UGT2B17: variants seen among roughly 807,000 people sequenced by gnomAD.
UGT2B17 encodes the protein UDP-glucuronosyltransferase 2B17.
Under a neutral mutation model 48.2 loss-of-function variants are expected in UGT2B17, and 21 were observed. The ratio of observed to expected loss-of-function variants is 0.44; its 90% confidence interval spans 0.31 to 0.63. The LOEUF is 0.63. Among genes scored for constraint, UGT2B17 ranks in the 20% least tolerant of loss-of-function variants. UGT2B17 has a pLI of 0.08. For missense variants in UGT2B17, 402 were observed against 696.1 expected (o/e 0.58, Z 4.75); for synonymous variants, 146 against 238.4 (o/e 0.61, Z 3.57).
intron 1 of UGT2B17, among the ~76,000 whole-genome samples, chr4:68,574,759 A>T (rs368506974): frequency 7.9e-6 from 1 of 126,392 alleles, no homozygotes; most frequent in Non-Finnish European, 1.7e-5. Context: ...TTACTTTTAA[A>T]TTATGCAACA....
Position 68,547,276 on chromosome 4 carries a change from C to A in UGT2B17, c.1313+3401G>T, listed in dbSNP as rs185003739. Among the ~76,000 whole-genome samples, 25 of 125,366 alleles carry A rather than the reference C, an allele frequency of 2.0e-4. 5 individuals carry two copies. The highest frequency in any genetic ancestry group is 2.0e-3 in the Admixed American group (24 of 12,236). 82.2% of individuals were successfully genotyped at this position (125,366 alleles called of 152,430 possible). ...AGCCCTCAGAAATAATGCCACACAT[C>A]TACAACTATCTGATCTTTGACAAAC... On this transcript the variant is annotated intron_variant, in intron 6 of 6. Transcript: ENST00000317746.
rs1323200526 is a variant in UGT2B17 at position 68,566,038 on chromosome 4, AT to A, written c.725-319del. Among the ~76,000 whole-genome samples, 6 of 117,604 alleles carry A rather than the reference AT, an allele frequency of 5.1e-5. 2 individuals are homozygous for A. In the Admixed American group the frequency reaches 5.4e-4, roughly 11 times the overall value. 77.2% of individuals were successfully genotyped at this position (117,604 alleles called of 152,430 possible). On this transcript the variant is annotated intron_variant, in intron 2 of 6. Coordinates refer to ENST00000317746, the MANE Select transcript of UGT2B17 (RefSeq NM_001077.4). ...AATATTTAATAAAGTTTAATATTTA[AT>A]ATTAATAAAATTTTATTAATTTTAT...
chr4:68,556,533 G>A lies in UGT2B17; in HGVS notation c.1005+4004C>T, dbSNP rs962574946. 6.4e-5 allele frequency among the ~76,000 whole-genome samples: 8 copies of A among 125,462 alleles called. 3 individuals are homozygous for A. The highest frequency in any genetic ancestry group is 2.2e-4 in the African/African-American group (8 of 36,876). The allele number at this position is 125,462 out of a possible 152,430, so 82.3% of individuals were successfully genotyped here. A position where few individuals can be genotyped will look rare whatever the true frequency, so the allele number is the denominator to read the frequency against. On this transcript the variant is annotated intron_variant, in intron 4 of 6. Transcript: ENST00000317746. ...GATACTAAGAGATAAAATAAGTTCC[G>A]TTTATGCATAAATTAATCATTAATG...
chr4:68,546,052 G>A (rs1321481175), intron 6 of UGT2B17, among the ~76,000 whole-genome samples: 1 of 125,912 alleles, frequency 7.9e-6, no homozygotes, highest in African/African-American at 2.7e-5. Flanking sequence ...GAAAAAGAGG[G>A]AATCCTCCCT....
Position 68,565,173 on chromosome 4 carries a change from G to T in UGT2B17, c.873+399C>A, listed in dbSNP as rs1299440374. On this transcript the variant is annotated intron_variant, in intron 3 of 6. Transcript: ENST00000317746. ...CTTTTTAGACTTTTCTTTTTCACTT[G>T]TTTTTATTCTATCTTTCAAAGTACA... Among the ~76,000 whole-genome samples the T allele has an allele frequency of 3.2e-5, 4 of 125,854 alleles. 1 individual carries two copies. The highest frequency in any genetic ancestry group is 1.1e-4 in the African/African-American group (4 of 36,840). The allele number at this position is 125,854 out of a possible 152,430, so 82.6% of individuals were successfully genotyped here.
chr4:68,562,388 C>G (rs1731120463), intron 3 of UGT2B17, among the ~76,000 whole-genome samples: 1 of 126,212 alleles, frequency 7.9e-6, no homozygotes, highest in African/African-American at 2.7e-5. Context: ...GGTGGGATTA[C>G]AGGCTTGAGC....
In UGT2B17 at chr4:68,558,314, A is replaced by G. The variant is rs550391077; in HGVS notation, c.1005+2223T>C. Among the ~76,000 whole-genome samples the G allele has an allele frequency of 9.5e-4, 118 of 124,388 alleles. 28 individuals are homozygous for G. The highest frequency in any genetic ancestry group is 3.9e-3 in the Middle Eastern group (1 of 256). 81.6% of individuals were successfully genotyped at this position (124,388 alleles called of 152,430 possible). Reference sequence around the variant, plus strand: ...AGTTTGGACTGAATTCTAATTTTTCATGGCTACACGTCTTCAAAATAGTGT... The same window carrying G: ...AGTTTGGACTGAATTCTAATTTTTCGTGGCTACACGTCTTCAAAATAGTGT... On this transcript the variant is annotated intron_variant, in intron 4 of 6. Transcript: ENST00000317746.
rs1391756408 is a variant in UGT2B17 at position 68,564,049 on chromosome 4, CACA to C, written c.873+1520_873+1522del. On this transcript the variant is annotated intron_variant, in intron 3 of 6. Coordinates refer to ENST00000317746, the MANE Select transcript of UGT2B17 (RefSeq NM_001077.4). ...TATCTGTGGTAACTACTTTTTTCCA[CACA>C]ACACAATATGAAGTTGTGATTATTA... Among the ~76,000 whole-genome samples, 4 of 124,062 alleles carry C rather than the reference CACA, an allele frequency of 3.2e-5. 1 individual carries two copies. The highest frequency in any genetic ancestry group is 1.1e-4 in the African/African-American group (4 of 36,392). 81.4% of individuals were successfully genotyped at this position (124,062 alleles called of 152,430 possible).
Position 68,566,136 on chromosome 4 carries a change from T to G in UGT2B17, c.725-416A>C, listed in dbSNP as rs1578172206. Among the ~76,000 whole-genome samples the G allele has an allele frequency of 1.7e-5, 2 of 118,548 alleles. 1 individual carries two copies. The highest frequency in any genetic ancestry group is 5.7e-5 in the African/African-American group (2 of 35,266). The allele number at this position is 118,548 out of a possible 152,430, so 77.8% of individuals were successfully genotyped here. On this transcript the variant is annotated intron_variant, in intron 2 of 6. Transcript: ENST00000317746. Reference sequence around the variant, plus strand: ...AATATTTAATTTAATATTTAATATTTAATAGTTTTAATTTAATATTTAAAT... The same window carrying G: ...AATATTTAATTTAATATTTAATATTGAATAGTTTTAATTTAATATTTAAAT...
chr4:68,554,176 A>T (rs1379353685), intron 4 of UGT2B17, among the ~76,000 whole-genome samples: 1 of 125,058 alleles, frequency 8.0e-6, no homozygotes, highest in Non-Finnish European at 1.7e-5. Context: ...ACTGCCCACA[A>T]GCAGCACACA....
At position 68,543,634 on chromosome 4, in the gene UGT2B17, CG is replaced by C. The variant is rs2109760182; in HGVS notation, c.1314-5731del. Among the ~76,000 whole-genome samples, 2 of 124,298 alleles carry C rather than the reference CG, an allele frequency of 1.6e-5. 1 individual carries two copies. Among genetic ancestry groups the C allele is most frequent in the East Asian group, 1.6e-3 (2 of 1,272 alleles). The allele number at this position is 124,298 out of a possible 152,430, so 81.5% of individuals were successfully genotyped here. A position where few individuals can be genotyped will look rare whatever the true frequency, so the allele number is the denominator to read the frequency against. On this transcript the variant is annotated intron_variant, in intron 6 of 6. Coordinates refer to ENST00000317746, the MANE Select transcript of UGT2B17 (RefSeq NM_001077.4). ...AAGGCTTCAGACGATCAAACTACTC[CG>C]GACTAAAGGAGGAAGTTCGAACCGA...
Position 68,568,010 on chromosome 4 carries a change from C to A in UGT2B17, c.475G>T (p.Glu159Ter). ...ATGTTAAGTAGCTCAGCCAGCAGCT[C>A]ACCACAGGGATTAACGGCATCTGCC... ...LLADAVNPCG[E>*]LLAELLNIPF... Residue 159 changes from glutamate (E) to a stop codon, truncating the protein, a stop_gained, in exon 2 of 7, where the codon GAG (glutamate) becomes TAG (stop). Transcript: ENST00000317746. LOFTEE classifies it high-confidence loss of function. 2 of 1,382,314 alleles carry A rather than the reference C, an allele frequency of 1.4e-6. 1 individual carries two copies. 85.6% of individuals were successfully genotyped at this position (1,382,314 alleles called of 1,614,324 possible). A position where few individuals can be genotyped will look rare whatever the true frequency, so the allele number is the denominator to read the frequency against.
intron 6 of UGT2B17, among the ~76,000 whole-genome samples, chr4:68,546,678 G>A (rs1452543993): frequency 8.0e-6 from 1 of 125,170 alleles, no homozygotes; most frequent in Non-Finnish European, 1.7e-5. Context: ...TAGAAAACCT[G>A]ATCGTCTGAG....
intron 4 of UGT2B17, 71 bp from the exon 5 acceptor site, chr4:68,551,982 G>A (rs1213856789): frequency 9.5e-7 from 1 of 1,055,378 alleles, no homozygotes; most frequent in Non-Finnish European, 1.3e-6. Flanking sequence ...GAATTCTGAA[G>A]AGATTAATAA....
At chr4:68,544,291 G>T (rs1424286651) in intron 6 of UGT2B17, among the ~76,000 whole-genome samples, 1 of 126,590 alleles carries the variant, frequency 7.9e-6, no homozygotes, top group African/African-American at 2.7e-5. Flanking sequence ...CATTCTTAAA[G>T]AAAAGAATCT....
In UGT2B17 at chr4:68,544,969, T is replaced by C. The variant is rs1730767307; in HGVS notation, c.1313+5708A>G. 1.6e-5 allele frequency among the ~76,000 whole-genome samples: 2 copies of C among 125,596 alleles called. 1 individual carries two copies. The highest frequency in any genetic ancestry group is 7.5e-4 in the South Asian group (2 of 2,668). 82.4% of individuals were successfully genotyped at this position (125,596 alleles called of 152,430 possible). On this transcript the variant is annotated intron_variant, in intron 6 of 6. Transcript: ENST00000317746. ...CAAAGAGACTTAGACTCCCACACAA[T>C]AATAATGGGACACTTTAACAAACCA... is the stretch of plus-strand genomic sequence containing the variant.
chr4:68,543,352 C>T (rs7441192), intron 6 of UGT2B17, among the ~76,000 whole-genome samples: 1,597 of 126,106 alleles, frequency 0.013, 322 homozygotes, highest in African/African-American at 0.041. Context: ...CCAGCAAACT[C>T]GAACAGACCT....
intron 4 of UGT2B17, 59 bp from the exon 5 acceptor site, chr4:68,551,970 TA>T: frequency 8.8e-7 from 1 of 1,138,900 alleles, no homozygotes; most frequent in Non-Finnish European, 1.2e-6. Flanking sequence ...TATAACTTGT[TA>T]GAATTCTGAA....
rs139860221 is a variant in UGT2B17, at chr4:68,568,412, T to C, written c.73A>G (p.Lys25Glu). ...TATTCTGTGGGCCACACCAGCACCT[T>C]TCCACAACTCCCAGAGCTAAAGTAA... ...SCYFSSGSCG[K>E]VLVWPTEYSH... is the part of the protein sequence containing the mutation. Residue 25 changes from lysine to glutamate, a missense_variant, in exon 2 of 7, where the codon AAG becomes GAG. Lys to Glu is a moderately conservative substitution (Grantham distance 56). Around this residue, in one of 5 missense-constraint regions of UGT2B17, gnomAD observed 51 missense variants for 108.7 expected, o/e 0.47. Transcript: ENST00000317746. 2.9e-5 allele frequency: 40 copies of C among 1,370,892 alleles called. 10 individuals are homozygous for C. In the African/African-American group the frequency reaches 4.9e-4, roughly 17 times the overall value. The allele number at this position is 1,370,892 out of a possible 1,614,324, so 84.9% of individuals were successfully genotyped here.
Sources: allele counts gnomAD v4.1 joint callset (sites outside exome capture counted in the v4.1 genomes callset), GRCh38; gene constraint gnomAD v4.1.1; regional missense constraint gnomAD v4.1.1; transcripts MANE v1.5; gene names NCBI Gene and HGNC (gene_info 2026-07-23, HGNC 2026-07-21).